The following GCA variants were observed in gnomAD, a reference collection of about 807,000 sequenced individuals.
GCA encodes the protein grancalcin.
A neutral mutation model predicts 32.6 loss-of-function variants in GCA; 30 were observed. That is an observed-to-expected ratio of 0.92 (90% CI 0.69 to 1.25). The LOEUF (loss-of-function observed/expected upper bound fraction) is 1.25. Among genes scored for constraint, GCA ranks in the 50% most tolerant of loss-of-function variants. The pLI, the probability that GCA is intolerant of heterozygous loss-of-function variation, is 0.00. For missense variants in GCA, 291 were observed against 266.8 expected, an observed-to-expected ratio of 1.09 and a Z score of -0.63; for synonymous variants, 102 against 84.6, an observed-to-expected ratio of 1.21 and a Z score of -1.13.
intron 1 of GCA, 54 bp downstream of exon 1, chr2:162,344,329 CG>C: frequency 6.4e-7 from 1 of 1,574,526 alleles, no homozygotes; most frequent in Non-Finnish European, 8.7e-7. Context: ...GTGGCGCCCC[CG>C]GGGGCGGTGC....
chr2:162,321,527 T>C (rs1189090341), intron 1 of GCA, among the ~76,000 whole-genome samples: 3 of 152,052 alleles, frequency 2.0e-5, no homozygotes, highest in Non-Finnish European at 4.4e-5. Context: ...TTTGTATCAA[T>C]AATGAGCCTG....
chr2:162,334,251 T>C (rs1397232519), intron 1 of GCA, among the ~76,000 whole-genome samples: 1 of 152,024 alleles, frequency 6.6e-6, no homozygotes, highest in Non-Finnish European at 1.5e-5. Flanking sequence ...ATTGTAACTA[T>C]GTACAATTAT....
At chr2:162,323,767 T>C (rs1278632747) in intron 1 of GCA, among the ~76,000 whole-genome samples, 2 of 151,858 alleles carry the variant, frequency 1.3e-5, no homozygotes, top group Admixed American at 1.3e-4. Flanking sequence ...CATTGATCTA[T>C]ATCTCTGTTT....
downstream of GCA, among the ~76,000 whole-genome samples, chr2:162,367,894 T>G (rs1334435690): frequency 6.6e-6 from 1 of 151,964 alleles, no homozygotes; most frequent in Non-Finnish European, 1.5e-5. Context: ...TTTTTAGAGA[T>G]TCAAGAAAAA....
intron 3 of GCA, among the ~76,000 whole-genome samples, chr2:162,355,069 A>C (rs757465522): frequency 6.6e-6 from 1 of 152,216 alleles, no homozygotes; most frequent in Non-Finnish European, 1.5e-5. Context: ...TTACTTGCCC[A>C]AAAGAGGAAA....
At chr2:162,322,486 C>T (rs1365508881) in intron 1 of GCA, among the ~76,000 whole-genome samples, 1 of 150,910 alleles carries the variant, frequency 6.6e-6, no homozygotes, top group Admixed American at 6.6e-5. Flanking sequence ...ATACATGTGT[C>T]ATGCTGGTGC....
upstream of GCA, among the ~76,000 whole-genome samples, chr2:162,343,387 T>TTTGTA (rs1338033489): frequency 6.6e-6 from 1 of 152,228 alleles, no homozygotes; most frequent in African/African-American, 2.4e-5. Flanking sequence ...CTGAGTCAGA[T>TTTGTA]TATATACAGG....
downstream of GCA, chr2:162,371,866 T>G: frequency 6.2e-7 from 1 of 1,612,814 alleles, no homozygotes; most frequent in Non-Finnish European, 8.5e-7. Flanking sequence ...AACATGCCTA[T>G]GAAGACCCAC....
intron 7 of GCA, 82 bp downstream of exon 7, chr2:162,359,634 A>G (rs756254729): frequency 1.4e-5 from 9 of 626,594 alleles, no homozygotes; most frequent in Non-Finnish European, 2.3e-5. Flanking sequence ...CCCAAGTACC[A>G]GTACTGGAAA....
downstream of GCA, among the ~76,000 whole-genome samples, chr2:162,373,200 G>A (rs1036824145): frequency 2.2e-4 from 33 of 152,032 alleles, no homozygotes; most frequent in African/African-American, 7.7e-4. Flanking sequence ...GGTTGATTCT[G>A]GAAGAAAGGT....
chr2:162,360,397 A>G lies in GCA; in HGVS notation c.*154A>G. 1 of 1,288,862 alleles carries G rather than the reference A, an allele frequency of 7.8e-7. No homozygotes were observed. The highest frequency in any genetic ancestry group is 2.1e-4 in the Middle Eastern group (1 of 4,830). The allele number at this position is 1,288,862 out of a possible 1,614,324, so 79.8% of individuals were successfully genotyped here. Reference sequence around the variant, plus strand: ...GTGTTTTTATTTTAGCAGATAGTTCAAAGCAATAAAAGATTTCTTTTTTAA... The same window carrying G: ...GTGTTTTTATTTTAGCAGATAGTTCGAAGCAATAAAAGATTTCTTTTTTAA... On this transcript the variant is annotated 3_prime_UTR_variant, in exon 8 of 8. Transcript: ENST00000437150.
intron 3 of GCA, among the ~76,000 whole-genome samples, chr2:162,356,019 CAT>C (rs1395257712): frequency 6.6e-6 from 1 of 151,966 alleles, no homozygotes; most frequent in Non-Finnish European, 1.5e-5. Context: ...CTGATGTCAT[CAT>C]ATGTCACTCT....
Position 162,361,564 on chromosome 2 carries a change from A to G in GCA, c.*1321A>G, listed in dbSNP as rs1685571471. On this transcript the variant is annotated 3_prime_UTR_variant, in exon 8 of 8. Coordinates refer to ENST00000437150, the MANE Select transcript of GCA (RefSeq NM_012198.5). The stretch of plus-strand genomic sequence containing the variant: ...AATATCTTGAACAAAATCTTTTATA[A>G]ACTTACAGAATTTTAAATCAGCCTT... 1.7e-5 allele frequency: 17 copies of G among 982,332 alleles called. No individual in the cohort carries two copies. Among genetic ancestry groups the G allele is most frequent in the Non-Finnish European group, 2.1e-5 (17 of 827,344 alleles). The allele number at this position is 982,332 out of a possible 1,614,324, so 60.9% of individuals were successfully genotyped here.
intron 1 of GCA, among the ~76,000 whole-genome samples, chr2:162,324,794 C>T (rs1053296283): frequency 1.3e-5 from 2 of 152,176 alleles, no homozygotes; most frequent in African/African-American, 4.8e-5. Context: ...CATTTATCCC[C>T]TCTGAAGAGG....
intron 1 of GCA, among the ~76,000 whole-genome samples, chr2:162,333,704 T>A (rs992132693): frequency 1.3e-5 from 2 of 152,152 alleles, no homozygotes; most frequent in Non-Finnish European, 2.9e-5. Flanking sequence ...GATTTATGAT[T>A]TTTAATAGAG....
chr2:162,359,710 T>C (rs74952116), intron 7 of GCA, among the ~76,000 whole-genome samples, 158 bp downstream of exon 7: 67 of 151,246 alleles, frequency 4.4e-4, no homozygotes, highest in Non-Finnish European at 7.0e-4. Flanking sequence ...AAGATTAATA[T>C]TGGTATAGGT....
chr2:162,322,972 G>A (rs1007170067), intron 1 of GCA, among the ~76,000 whole-genome samples: 1 of 151,856 alleles, frequency 6.6e-6, no homozygotes, highest in African/African-American at 2.4e-5. Context: ...AGATCCCTGA[G>A]GAATCACCAC....
chr2:162,319,484 C>T (rs545964445), intron 1 of GCA: 1 of 220,714 alleles, frequency 4.5e-6, no homozygotes, highest in Non-Finnish European at 9.5e-6. Context: ...GATATAGCTG[C>T]CATTCTTTTC....
chr2:162,362,031 C>T lies in GCA; in HGVS notation c.*1788C>T, dbSNP rs924234655. 1.0e-6 allele frequency: 1 copy of T among 983,396 alleles called. No individual in the cohort carries two copies. The highest frequency in any genetic ancestry group is 1.2e-6 in the Non-Finnish European group (1 of 828,336). 60.9% of individuals were successfully genotyped at this position (983,396 alleles called of 1,614,324 possible). ...ATTCATGTAAGCTTCTGCCAGGTGA[C>T]ACTCTATATTAGAACTCTTTAACAC... On this transcript the variant is annotated 3_prime_UTR_variant, in exon 8 of 8. Transcript: ENST00000437150.
Sources: gnomAD v4.1 joint callset for allele counts (sites outside exome capture counted in the v4.1 genomes callset) on GRCh38, gnomAD v4.1.1 for gene constraint, MANE v1.5 for transcripts, NCBI Gene and HGNC (gene_info 2026-07-23, HGNC 2026-07-21) for gene names.